GLRB: variants seen among roughly 807,000 people sequenced by gnomAD.
The protein encoded by GLRB is glycine receptor subunit beta.
GLRB carries 33 observed loss-of-function variants against 54.2 expected under a neutral mutation model. The ratio of observed to expected loss-of-function variants is 0.61; its 90% confidence interval spans 0.46 to 0.81. The LOEUF (loss-of-function observed/expected upper bound fraction) is 0.81. Among genes scored for constraint, GLRB ranks in the 40% least tolerant of loss-of-function variants. The pLI, the probability that GLRB is intolerant of heterozygous loss-of-function variation, is 0.00. For synonymous variants in GLRB, 209 were observed against 208.2 expected, an observed-to-expected ratio of 1.00 and a Z score of -0.03; for missense variants, 572 against 584.6, an observed-to-expected ratio of 0.98 and a Z score of 0.22.
Position 157,142,935 on chromosome 4 carries a change from G to A in GLRB, c.752-872G>A, listed in dbSNP as rs538650494. The stretch of plus-strand genomic sequence containing the variant: ...GAGCAAACATTTAAGAAATAATCTC[G>A]AACATCTGGAAATACCTTTTCTATT... On this transcript the variant is annotated intron_variant, in intron 7 of 9. Transcript: ENST00000264428. 4.6e-5 allele frequency among the ~76,000 whole-genome samples: 7 copies of A among 152,058 alleles called. No individual in the cohort carries two copies. In the South Asian group the frequency reaches 1.5e-3, roughly 32 times the overall value.
intron 1 of GLRB, among the ~76,000 whole-genome samples, chr4:157,077,395 A>G (rs1455483575): frequency 1.3e-5 from 2 of 152,178 alleles, no homozygotes; most frequent in African/African-American, 2.4e-5. Context: ...GCAAAAAGGT[A>G]GCTTGCCAAT....
At chr4:157,137,408 T>C (rs2126568268) in intron 6 of GLRB, among the ~76,000 whole-genome samples, 1 of 152,198 alleles carries the variant, frequency 6.6e-6, no homozygotes, top group Middle Eastern at 3.4e-3. Context: ...ATTGAAATTA[T>C]TATTTATCTA....
At chr4:157,122,305 A>G in intron 3 of GLRB, 25 bp from the exon 4 acceptor site, 1 of 937,958 alleles carries the variant, frequency 1.1e-6, no homozygotes, top group Non-Finnish European at 1.7e-6. Flanking sequence ...CAGCTAATAA[A>G]TATATTCTTA....
rs77703396 is a variant in GLRB at position 157,086,366 on chromosome 4, A to T, written c.122+8220A>T. Among the ~76,000 whole-genome samples the T allele has an allele frequency of 1.6e-3, 243 of 152,324 alleles. 5 individuals carry two copies. In the East Asian group the frequency reaches 0.042, roughly 26 times the overall value. Reference sequence around the variant, plus strand: ...AGTGGTGTGGCTTACTAATGCTTTGATGTCTTGGATATTGATAGAAATACA... The same window carrying T: ...AGTGGTGTGGCTTACTAATGCTTTGTTGTCTTGGATATTGATAGAAATACA... On this transcript the variant is annotated intron_variant, in intron 2 of 9. Coordinates refer to ENST00000264428, the MANE Select transcript of GLRB (RefSeq NM_000824.5).
intron 8 of GLRB, among the ~76,000 whole-genome samples, chr4:157,151,948 A>G (rs1424860532): frequency 1.3e-5 from 2 of 152,266 alleles, no homozygotes; most frequent in East Asian, 3.9e-4. Context: ...CCAATAGGTT[A>G]TAGCTATAAA....
chr4:157,152,528 C>T (rs1268100759), intron 8 of GLRB, among the ~76,000 whole-genome samples, 190 bp from the exon 9 acceptor site: 1 of 152,018 alleles, frequency 6.6e-6, no homozygotes, highest in Non-Finnish European at 1.5e-5. Flanking sequence ...AATCCTCAAC[C>T]ATAGTCAATA....
At chr4:157,109,275 G>A (rs550732363) in intron 2 of GLRB, among the ~76,000 whole-genome samples, 2 of 151,840 alleles carry the variant, frequency 1.3e-5, no homozygotes, top group Admixed American at 1.3e-4. Context: ...TATCTTTTTG[G>A]GGGCTTTCTG....
At chr4:157,082,480 TA>T (rs1368779150) in intron 2 of GLRB, among the ~76,000 whole-genome samples, 1 of 152,178 alleles carries the variant, frequency 6.6e-6, no homozygotes, top group Non-Finnish European at 1.5e-5. Context: ...ATGAAGTGAA[TA>T]AAAACCTAAA....
At chr4:157,115,781 C>T (rs1468760360) in intron 2 of GLRB, among the ~76,000 whole-genome samples, 2 of 151,758 alleles carry the variant, frequency 1.3e-5, no homozygotes, top group African/African-American at 2.4e-5. Flanking sequence ...AATGATACAA[C>T]CAACACATAT....
At chr4:157,138,005 G>A (rs1736468021) in intron 6 of GLRB, among the ~76,000 whole-genome samples, 1 of 152,130 alleles carries the variant, frequency 6.6e-6, no homozygotes. Context: ...GTCCCTTTGA[G>A]GGATTATTTT....
chr4:157,079,136 G>A lies in GLRB; in HGVS notation c.122+990G>A, dbSNP rs760386534. Among the ~76,000 whole-genome samples the A allele has an allele frequency of 8.0e-4, 122 of 152,062 alleles. 1 individual carries two copies. The highest frequency in any genetic ancestry group is 4.1e-4 in the Non-Finnish European group (28 of 68,022). On this transcript the variant is annotated intron_variant, in intron 2 of 9. Coordinates refer to ENST00000264428, the MANE Select transcript of GLRB (RefSeq NM_000824.5). ...TCAATGAAAGTAAAATAGAGCAATT[G>A]TACAGTATATAAGTAAACAACTTTC...
intron 2 of GLRB, among the ~76,000 whole-genome samples, chr4:157,097,943 C>T (rs1315520650): frequency 6.6e-6 from 1 of 152,110 alleles, no homozygotes; most frequent in East Asian, 1.9e-4. Context: ...ATCTCTTGAA[C>T]CTGGGAGGCG....
intron 9 of GLRB, among the ~76,000 whole-genome samples, chr4:157,158,221 C>A (rs941576802): frequency 7.3e-5 from 11 of 151,636 alleles, no homozygotes; most frequent in African/African-American, 2.7e-4. Flanking sequence ...TTTGTAGATC[C>A]CGGATATTAG....
chr4:157,138,778 T>G, intron 6 of GLRB, 31 bp from the exon 7 acceptor site: 1 of 1,127,952 alleles, frequency 8.9e-7, no homozygotes, highest in South Asian at 1.3e-5. Context: ...AATTATATTT[T>G]AAACTAACAT....
chr4:157,081,924 C>T (rs1420475369), intron 2 of GLRB, among the ~76,000 whole-genome samples: 1 of 152,290 alleles, frequency 6.6e-6, no homozygotes, highest in East Asian at 1.9e-4. Flanking sequence ...CTGATACCTC[C>T]AGCAGTATCT....
intron 4 of GLRB, among the ~76,000 whole-genome samples, chr4:157,127,411 G>T (rs578173623): frequency 6.7e-4 from 102 of 151,666 alleles, no homozygotes; most frequent in Non-Finnish European, 1.3e-3. Flanking sequence ...GCACTCTGTT[G>T]TTGGCTGAAT....
chr4:157,161,253 C>G (rs1487757599), intron 9 of GLRB, among the ~76,000 whole-genome samples: 2 of 152,164 alleles, frequency 1.3e-5, no homozygotes, highest in Non-Finnish European at 2.9e-5. Context: ...CTCCTGAATA[C>G]AGCACACTGA....
chr4:157,102,261 A>C (rs186280899), intron 2 of GLRB, among the ~76,000 whole-genome samples: 4 of 152,336 alleles, frequency 2.6e-5, no homozygotes, highest in African/African-American at 9.6e-5. Context: ...ACAATACAGT[A>C]CTGTTAACTA....
intron 4 of GLRB, among the ~76,000 whole-genome samples, chr4:157,132,415 G>T (rs1579225507): frequency 6.6e-6 from 1 of 151,652 alleles, no homozygotes; most frequent in East Asian, 2.0e-4. Flanking sequence ...ATATTGTATT[G>T]TTGATGAAAC....
Sources: gnomAD v4.1 joint callset for allele counts (sites outside exome capture counted in the v4.1 genomes callset) on GRCh38, gnomAD v4.1.1 for gene constraint, MANE v1.5 for transcripts, NCBI Gene and HGNC (gene_info 2026-07-23, HGNC 2026-07-21) for gene names.